ADGRE1: variants seen among roughly 807,000 people sequenced by gnomAD.
The protein encoded by ADGRE1 is adhesion G protein-coupled receptor E1.
A neutral mutation model predicts 102.7 loss-of-function variants in ADGRE1; 82 were observed. The observed-to-expected ratio is 0.80, with a 90% CI of 0.67 to 0.96. The LOEUF (loss-of-function observed/expected upper bound fraction) is 0.96, where lower values mean the gene tolerates loss of function less well. ADGRE1 is among the 40% of genes least tolerant of loss of function. The pLI, the probability that ADGRE1 is intolerant of heterozygous loss-of-function variation, is 0.00. For missense variants in ADGRE1, 1,032 were observed against 1,085.3 expected (o/e 0.95, Z 0.69); for synonymous variants, 398 against 399.6 (o/e 1.00, Z 0.05).
chr19:6,920,750 T>G (rs1279876304), intron 13 of ADGRE1, among the ~76,000 whole-genome samples: 1 of 151,692 alleles, frequency 6.6e-6, no homozygotes, highest in Non-Finnish European at 1.5e-5. Context: ...GCTTAGGTGA[T>G]CCACCCGCCT....
intron 13 of ADGRE1, 93 bp downstream of exon 13, chr19:6,919,840 A>T (rs372693039): frequency 1.6e-6 from 2 of 1,276,484 alleles, no homozygotes; most frequent in Non-Finnish European, 1.1e-6. Context: ...ACGGGAAGCT[A>T]TTGAGGCCGG....
Position 6,897,172 on chromosome 19 carries a change from C to A in ADGRE1, c.262C>A (p.Pro88Thr), listed in dbSNP as rs755866748. The change falls in exon 4 of 21, where the codon CCC becomes ACC. Residue 88 changes from proline to threonine, a missense_variant. Physicochemically the swap from Pro to Thr is conservative, Grantham distance 38. Transcript: ENST00000312053. ...CKDIDECSQS[P>T]QPCGPNSSCK... ...AGATATTGATGAATGTTCTCAAAGC[C>A]CCCAGCCCTGTGGTCCTAACTCATC... is the stretch of plus-strand genomic sequence containing the variant. The A allele has an allele frequency of 6.2e-7, 1 of 1,610,134 alleles. No individual in the cohort carries two copies. The highest frequency in any genetic ancestry group is 8.5e-7 in the Non-Finnish European group (1 of 1,179,090).
At chr19:6,912,230 A>G (rs1224490790) in intron 10 of ADGRE1, among the ~76,000 whole-genome samples, 1 of 152,034 alleles carries the variant, frequency 6.6e-6, no homozygotes, top group Non-Finnish European at 1.5e-5. Flanking sequence ...ACCCACATAT[A>G]TAAGCACACA....
chr19:6,897,766 T>A, intron 5 of ADGRE1: 1 of 350,282 alleles, frequency 2.9e-6, no homozygotes, highest in Non-Finnish European at 4.8e-6. Context: ...AGCACATGGT[T>A]GGGTCTTTTT....
At chr19:6,928,641 AT>A (rs752641135) in intron 17 of ADGRE1, 9 of 176,396 alleles carry the variant, frequency 5.1e-5, no homozygotes, top group Non-Finnish European at 8.4e-5. Context: ...AAAAAAAAAA[AT>A]AAATAAATAA....
At position 6,911,832 on chromosome 19, in the gene ADGRE1, AC is replaced by A. The variant is rs201460700; in HGVS notation, c.1123-1820del. On this transcript the variant is annotated intron_variant, in intron 10 of 20. Coordinates refer to ENST00000312053, the MANE Select transcript of ADGRE1 (RefSeq NM_001974.5). ...TGCACACATACACATACAAATGCAT[AC>A]ACACACACCCCACACACATTTACAC... is the stretch of plus-strand genomic sequence containing the variant. Among the ~76,000 whole-genome samples the A allele has an allele frequency of 5.9e-3, 690 of 117,720 alleles. 21 individuals carry two copies. The East Asian group carries it at 0.21, about 36-fold the overall frequency. 77.2% of individuals were successfully genotyped at this position (117,720 alleles called of 152,430 possible).
intron 2 of ADGRE1, among the ~76,000 whole-genome samples, chr19:6,893,000 A>C (rs1371748811): frequency 4.6e-5 from 7 of 151,912 alleles, no homozygotes; most frequent in Non-Finnish European, 8.8e-5. Context: ...TATCCTTTCC[A>C]GCCTCTGGTA....
intron 14 of ADGRE1, among the ~76,000 whole-genome samples, chr19:6,923,735 G>T (rs116262097): frequency 2.5e-4 from 38 of 151,340 alleles, no homozygotes; most frequent in Non-Finnish European, 5.0e-4. Flanking sequence ...ATAGGATTTC[G>T]CCATGTTGGC....
At position 6,940,157 on chromosome 19, in the gene ADGRE1, C is replaced by A; in HGVS notation, c.*128C>A. The A allele has an allele frequency of 8.7e-7, 1 of 1,147,754 alleles. No homozygotes were observed. Among genetic ancestry groups the A allele is most frequent in the East Asian group, 2.5e-5 (1 of 40,332 alleles). The allele number at this position is 1,147,754 out of a possible 1,614,324, so 71.1% of individuals were successfully genotyped here. A position where few individuals can be genotyped will look rare whatever the true frequency, so the allele number is the denominator to read the frequency against. ...AGGATCCCACCAGCCCCAGAACCCTCTGGGGAAGAATGTTGGGGGCGGTCT... is the reference window on the plus strand; with the variant it reads ...AGGATCCCACCAGCCCCAGAACCCTATGGGGAAGAATGTTGGGGGCGGTCT... On this transcript the variant is annotated 3_prime_UTR_variant, in exon 21 of 21. Coordinates refer to ENST00000312053, the MANE Select transcript of ADGRE1 (RefSeq NM_001974.5).
intron 17 of ADGRE1, among the ~76,000 whole-genome samples, chr19:6,929,346 T>C (rs960506782): frequency 2.4e-4 from 37 of 152,136 alleles, no homozygotes; most frequent in African/African-American, 8.9e-4. Flanking sequence ...GTGTCTGATT[T>C]ACATAGGGCC....
intron 17 of ADGRE1, among the ~76,000 whole-genome samples, chr19:6,932,088 G>A (rs1975177604): frequency 6.6e-6 from 1 of 152,174 alleles, no homozygotes; most frequent in Non-Finnish European, 1.5e-5. Flanking sequence ...TTGTGGAGTT[G>A]GATGGGCAAG....
At chr19:6,893,060 T>C (rs924822358) in intron 2 of ADGRE1, among the ~76,000 whole-genome samples, 1 of 152,226 alleles carries the variant, frequency 6.6e-6, no homozygotes, top group African/African-American at 2.4e-5. Context: ...TGATGATTTT[T>C]AGCTCCCACG....
intron 10 of ADGRE1, among the ~76,000 whole-genome samples, chr19:6,909,709 GT>G (rs549520717): frequency 1.3e-5 from 2 of 151,702 alleles, no homozygotes; most frequent in East Asian, 1.9e-4. Flanking sequence ...TTGGTTGGTG[GT>G]TTTTTTTGTT....
chr19:6,898,516 G>A, intron 5 of ADGRE1: 5 of 1,551,850 alleles, frequency 3.2e-6, no homozygotes, highest in South Asian at 1.1e-5. Flanking sequence ...TATCAGTGGG[G>A]TGAGTTCATG....
rs1248150885 is a variant in ADGRE1 at position 6,906,300 on chromosome 19, A to G, written c.950-133A>G. 4.3e-6 allele frequency: 3 copies of G among 698,456 alleles called. No individual in the cohort carries two copies. In the African/African-American group the frequency reaches 5.3e-5, roughly 12 times the overall value. 43.3% of individuals were successfully genotyped at this position (698,456 alleles called of 1,614,324 possible). A position where few individuals can be genotyped will look rare whatever the true frequency, so the allele number is the denominator to read the frequency against. ...TGTAGTGTGTAGTTGTGGTTTGTTC[A>G]TTTTCCCCCTTGTGTATTAGGGTAA... On this transcript the variant is annotated intron_variant, in intron 8 of 20. Coordinates refer to ENST00000312053, the MANE Select transcript of ADGRE1 (RefSeq NM_001974.5).
At chr19:6,899,001 G>A (rs1422793986) in intron 5 of ADGRE1, among the ~76,000 whole-genome samples, 2 of 152,000 alleles carry the variant, frequency 1.3e-5, no homozygotes, top group Non-Finnish European at 2.9e-5. Flanking sequence ...GATATTTGAG[G>A]GTTTTGTTCC....
chr19:6,939,250 T>C (rs918631208), intron 20 of ADGRE1, among the ~76,000 whole-genome samples: 2 of 152,200 alleles, frequency 1.3e-5, no homozygotes, highest in African/African-American at 4.8e-5. Context: ...CAGTTTACTA[T>C]AGTTTTAATG....
chr19:6,889,166 G>A (rs1973254999), intron 1 of ADGRE1, among the ~76,000 whole-genome samples: 1 of 151,830 alleles, frequency 6.6e-6, no homozygotes, highest in Non-Finnish European at 1.5e-5. Flanking sequence ...TGATGATGGT[G>A]TGATAATGAC....
chr19:6,916,320 G>T lies in ADGRE1; in HGVS notation c.1372G>T (p.Asp458Tyr). The T allele has an allele frequency of 1.2e-6, 2 of 1,613,696 alleles. No individual in the cohort carries two copies. Among genetic ancestry groups the T allele is most frequent in the South Asian group, 1.1e-5 (1 of 91,008 alleles). Residue 458 changes from aspartate (D) to tyrosine (Y), a missense_variant, in exon 12 of 21, where the codon GAT becomes TAT. Physicochemically the swap from Asp to Tyr is radical, Grantham distance 160. Coordinates refer to ENST00000312053, the MANE Select transcript of ADGRE1 (RefSeq NM_001974.5). ...NVTLDLVAKGDKMKIGCSTIE... is the reference protein window; with the variant it reads ...NVTLDLVAKGYKMKIGCSTIE... Reference sequence around the variant, plus strand: ...GACGTTGGACTTGGTAGCCAAGGGGGATAAGATGAAGATCGGGTGTTCCAC... The same window carrying T: ...GACGTTGGACTTGGTAGCCAAGGGGTATAAGATGAAGATCGGGTGTTCCAC...
Sources: allele counts gnomAD v4.1 joint callset (sites outside exome capture counted in the v4.1 genomes callset), GRCh38; gene constraint gnomAD v4.1.1; transcripts MANE v1.5; gene names NCBI Gene and HGNC (gene_info 2026-07-23, HGNC 2026-07-21).